The following CCDC88A variants were observed in gnomAD, a reference collection of about 807,000 sequenced individuals.
CCDC88A encodes the protein coiled-coil and HOOK domain protein 88A.
In CCDC88A, 54 loss-of-function variants were observed where a neutral mutation model predicts 234.3. The ratio of observed to expected loss-of-function variants is 0.23; its 90% CI spans 0.19 to 0.29. CCDC88A has a LOEUF of 0.29. Among genes scored for constraint, CCDC88A ranks in the 10% least tolerant of loss-of-function variants. The pLI is 1.00. For missense variants in CCDC88A, 1,832 were observed against 2,123.4 expected, an observed-to-expected ratio of 0.86 and a Z score of 2.70; for synonymous variants, 753 against 737.8, an observed-to-expected ratio of 1.02 and a Z score of -0.33.
chr2:55,369,153 A>C (rs904884466), intron 5 of CCDC88A, among the ~76,000 whole-genome samples: 1 of 151,318 alleles, frequency 6.6e-6, no homozygotes, highest in Non-Finnish European at 1.5e-5. Flanking sequence ...TCCTGCCTCA[A>C]CTTCCCGAGT....
At chr2:55,362,762 G>A (rs528661518) in intron 6 of CCDC88A, among the ~76,000 whole-genome samples, 21 of 152,066 alleles carry the variant, frequency 1.4e-4, no homozygotes, top group African/African-American at 4.8e-4. Context: ...AAAATCAACT[G>A]AATTCTGTAG....
intron 5 of CCDC88A, among the ~76,000 whole-genome samples, chr2:55,371,423 A>T (rs1433994007): frequency 1.3e-5 from 2 of 152,214 alleles, no homozygotes; most frequent in Non-Finnish European, 2.9e-5. Context: ...TTATTTGTTT[A>T]TAAATAACCT....
chr2:55,305,559 T>C (rs1048400344), intron 25 of CCDC88A, among the ~76,000 whole-genome samples: 1 of 149,776 alleles, frequency 6.7e-6, no homozygotes, highest in African/African-American at 2.6e-5. Flanking sequence ...GACATTTTTT[T>C]CCTTTAAAGC....
At chr2:55,339,373 G>T (rs528929657) in intron 13 of CCDC88A, 91 bp downstream of exon 13, 3 of 1,119,556 alleles carry the variant, frequency 2.7e-6, no homozygotes, top group East Asian at 5.3e-5. Flanking sequence ...AACATTGAGC[G>T]TGCATTTAAA....
intron 22 of CCDC88A, chr2:55,314,143 C>T (rs1196877542): frequency 6.6e-6 from 1 of 152,264 alleles, no homozygotes; most frequent in Non-Finnish European, 1.5e-5. Context: ...GGAGAGACCA[C>T]ATGGAACAGA....
At chr2:55,411,549 T>G (rs969347749) in intron 2 of CCDC88A, among the ~76,000 whole-genome samples, 9 of 151,204 alleles carry the variant, frequency 6.0e-5, no homozygotes, top group African/African-American at 2.2e-4. Context: ...GAGGCTCAGG[T>G]GGACAGATCA....
chr2:55,387,779 C>CAAAAAAAAAAAAAAAA (rs66479611), intron 3 of CCDC88A, among the ~76,000 whole-genome samples: 3 of 64,846 alleles, frequency 4.6e-5, no homozygotes, highest in African/African-American at 1.6e-4. Context: ...GGCTCCATCT[C>CAAAAAAAAAAAAAAAA]AAAAAAAAAA....
At chr2:55,395,169 T>A (rs1022811018) in intron 2 of CCDC88A, among the ~76,000 whole-genome samples, 1 of 151,892 alleles carries the variant, frequency 6.6e-6, no homozygotes, top group South Asian at 2.1e-4. Flanking sequence ...ATAGATGAGA[T>A]CTCTCACTAT....
chr2:55,336,256 T>C (rs1207945960), intron 14 of CCDC88A, among the ~76,000 whole-genome samples: 1 of 152,108 alleles, frequency 6.6e-6, no homozygotes, highest in Non-Finnish European at 1.5e-5. Context: ...TCCTCAAACA[T>C]AAAATGAGAA....
intron 8 of CCDC88A, among the ~76,000 whole-genome samples, chr2:55,355,016 T>C (rs2104761078): frequency 6.6e-6 from 1 of 150,830 alleles, no homozygotes; most frequent in African/African-American, 2.4e-5. Flanking sequence ...ACCATTGTAA[T>C]GTTACAGGAC....
intron 2 of CCDC88A, among the ~76,000 whole-genome samples, chr2:55,398,340 G>T (rs576705611): frequency 6.6e-6 from 1 of 152,224 alleles, no homozygotes; most frequent in African/African-American, 2.4e-5. Context: ...GAACTGAAAA[G>T]TTCCTATTTC....
chr2:55,407,234 C>G (rs1388731403), intron 2 of CCDC88A, among the ~76,000 whole-genome samples: 4 of 151,318 alleles, frequency 2.6e-5, no homozygotes, highest in African/African-American at 4.9e-5. Context: ...AAAGAATATA[C>G]TGTCTAAAAA....
intron 29 of CCDC88A, among the ~76,000 whole-genome samples, chr2:55,297,358 TATATATA>T (rs567640207): frequency 0.033 from 3,491 of 104,716 alleles, 446 homozygotes; most frequent in African/African-American, 0.14. Flanking sequence ...TATATATAAA[TATATATA>T]ATATATATTA....
chr2:55,310,579 GAA>G (rs76856886), intron 23 of CCDC88A, among the ~76,000 whole-genome samples: 4 of 138,724 alleles, frequency 2.9e-5, no homozygotes, highest in Non-Finnish European at 4.8e-5. Context: ...AGACTGAAAA[GAA>G]AAAAAAAAAA....
At chr2:55,364,091 T>A in intron 5 of CCDC88A, 58 bp from the exon 6 acceptor site, 1 of 793,218 alleles carries the variant, frequency 1.3e-6, no homozygotes, top group Non-Finnish European at 2.0e-6. Context: ...CCTTAAAATG[T>A]TATATATAAC....
intron 29 of CCDC88A, 71 bp downstream of exon 29, chr2:55,299,768 C>T (rs764819553): frequency 5.2e-5 from 52 of 999,452 alleles, no homozygotes; most frequent in Admixed American, 3.9e-4. Flanking sequence ...ACCCCAGAAA[C>T]TTCATCCCAT....
intron 9 of CCDC88A, chr2:55,348,567 C>G (rs1044218245): frequency 6.6e-6 from 1 of 152,206 alleles, no homozygotes; most frequent in Non-Finnish European, 1.5e-5. Context: ...GCCACCGCAC[C>G]TGGCCAGACT....
At chr2:55,308,484 T>C (rs2043713) in intron 25 of CCDC88A, 187,132 of 209,526 alleles carry the variant, frequency 0.89, 84,063 homozygotes, top group African/African-American at 0.97. Context: ...TTGCTCCTTG[T>C]AACTGTCCTG....
chr2:55,410,807 C>T (rs1680346296), intron 2 of CCDC88A, among the ~76,000 whole-genome samples: 1 of 151,764 alleles, frequency 6.6e-6, no homozygotes, highest in Non-Finnish European at 1.5e-5. Flanking sequence ...GTGAGAGGAT[C>T]GTTTGAGCCC....
Sources: gnomAD v4.1 joint callset for allele counts (sites outside exome capture counted in the v4.1 genomes callset) on GRCh38, gnomAD v4.1.1 for gene constraint, MANE v1.5 for transcripts, NCBI Gene and HGNC (gene_info 2026-07-23, HGNC 2026-07-21) for gene names.